The following SH3GL1 variants were observed in gnomAD, a reference collection of about 807,000 sequenced individuals.
SH3GL1 encodes the protein SH3 domain containing GRB2 like 1, endophilin A2.
A neutral mutation model predicts 48.8 loss-of-function variants in SH3GL1; 21 were observed. The observed-to-expected ratio is 0.43, with a 90% CI of 0.30 to 0.62. The LOEUF (loss-of-function observed/expected upper bound fraction) is 0.62. Ranked by LOEUF, SH3GL1 falls within the 20% of genes least tolerant of loss-of-function variation. The pLI, the probability that SH3GL1 is intolerant of heterozygous loss-of-function variation, is 0.11. For missense variants in SH3GL1, 454 were observed against 503.0 expected (o/e 0.90, Z 0.93); for synonymous variants, 282 against 217.5 (o/e 1.30, Z -2.61).
intron 1 of SH3GL1, among the ~76,000 whole-genome samples, chr19:4,387,634 G>A (rs926885004): frequency 1.3e-5 from 2 of 152,044 alleles, no homozygotes; most frequent in African/African-American, 4.8e-5. Context: ...GCTCAGGGGT[G>A]GGGTATCCAG....
chr19:4,363,226 C>G (rs1002399074), intron 7 of SH3GL1, 144 bp downstream of exon 7: 30 of 695,940 alleles, frequency 4.3e-5, no homozygotes, highest in Admixed American at 2.9e-4. Context: ...CGCGGCCCCC[C>G]AGGCCTTTCC....
intron 1 of SH3GL1, among the ~76,000 whole-genome samples, chr19:4,368,859 C>T (rs1012341310): frequency 6.6e-6 from 1 of 152,188 alleles, no homozygotes; most frequent in Non-Finnish European, 1.5e-5. Context: ...ATCATGAGGT[C>T]AGGAGATCGA....
chr19:4,397,109 CAA>C (rs1973439563), intron 1 of SH3GL1, among the ~76,000 whole-genome samples: 1 of 151,846 alleles, frequency 6.6e-6, no homozygotes, highest in Non-Finnish European at 1.5e-5. Context: ...AGACTAAAAA[CAA>C]AAAAAGAGAC....
At chr19:4,388,325 C>T (rs998188921) in intron 1 of SH3GL1, among the ~76,000 whole-genome samples, 26 of 152,222 alleles carry the variant, frequency 1.7e-4, no homozygotes, top group Non-Finnish European at 3.5e-4. Context: ...AGGGCATCAC[C>T]GCTGGCCAGC....
chr19:4,386,254 C>T (rs999388867), intron 1 of SH3GL1, among the ~76,000 whole-genome samples: 4 of 152,144 alleles, frequency 2.6e-5, no homozygotes, highest in African/African-American at 9.7e-5. Flanking sequence ...CCCACAGAGG[C>T]GGGTGGCAAG....
intron 1 of SH3GL1, among the ~76,000 whole-genome samples, chr19:4,390,786 G>T (rs1018897383): frequency 7.8e-6 from 1 of 128,696 alleles, no homozygotes; most frequent in Non-Finnish European, 1.6e-5. Flanking sequence ...CAACCCTCCC[G>T]GCACTTAAAG....
Position 4,360,688 on chromosome 19 carries a change from G to T in SH3GL1, c.*912C>A, listed in dbSNP as rs369305384. The T allele has an allele frequency of 1.8e-4, 41 of 233,408 alleles. No homozygotes were observed. The South Asian group carries it at 5.9e-3, about 34-fold the overall frequency. 14.5% of individuals were successfully genotyped at this position (233,408 alleles called of 1,614,324 possible). ...GGGGCCACTTCCCACAGGGTGAAGT[G>T]GCAGCGGCTCAGCAAGGGGAGCCTG... On this transcript the variant is annotated 3_prime_UTR_variant, in exon 10 of 10. Transcript: ENST00000269886.
At chr19:4,375,813 CCT>C (rs1467051202) in intron 1 of SH3GL1, among the ~76,000 whole-genome samples, 8 of 152,210 alleles carry the variant, frequency 5.3e-5, no homozygotes, top group Admixed American at 2.6e-4. Flanking sequence ...CGATAAATCC[CCT>C]GAGGCTCCGC....
At chr19:4,379,463 G>C (rs1043899027) in intron 1 of SH3GL1, among the ~76,000 whole-genome samples, 3 of 151,680 alleles carry the variant, frequency 2.0e-5, no homozygotes, top group African/African-American at 7.3e-5. Flanking sequence ...AGGACCAAGA[G>C]AGAAAATGAC....
chr19:4,373,306 A>C (rs1389567248), intron 1 of SH3GL1, among the ~76,000 whole-genome samples: 4 of 152,278 alleles, frequency 2.6e-5, no homozygotes, highest in African/African-American at 9.6e-5. Context: ...TGATGCACGG[A>C]GGGAAGGGTC....
intron 1 of SH3GL1, among the ~76,000 whole-genome samples, chr19:4,368,502 C>T (rs924045196): frequency 8.5e-5 from 13 of 152,262 alleles, no homozygotes; most frequent in Non-Finnish European, 1.3e-4. Flanking sequence ...CCGGAGTACA[C>T]GGCTGGTCTT....
In SH3GL1 at chr19:4,399,319, C is replaced by CAAAAAAAAA. The variant is rs58263818; in HGVS notation, c.45+996_45+1004dup. Among the ~76,000 whole-genome samples the CAAAAAAAAA allele has an allele frequency of 2.0e-4, 10 of 49,618 alleles. 1 individual carries two copies. Among genetic ancestry groups the CAAAAAAAAA allele is most frequent in the Non-Finnish European group, 2.8e-4 (8 of 28,964 alleles). The allele number at this position is 49,618 out of a possible 152,430, so 32.6% of individuals were successfully genotyped here. ...GGGGCGACAGAGCATGACTCCCTCT[C>CAAAAAAAAA]AAAAAAAAAAAAAAAAAAAAAAATC... On this transcript the variant is annotated intron_variant, in intron 1 of 9. Coordinates refer to ENST00000269886, the MANE Select transcript of SH3GL1 (RefSeq NM_003025.4).
In SH3GL1 at chr19:4,376,749, C is replaced by G. The variant is rs1479261404; in HGVS notation, c.46-9755G>C. Among the ~76,000 whole-genome samples the G allele has an allele frequency of 6.6e-6, 1 of 152,162 alleles. No homozygotes were observed. Among genetic ancestry groups the G allele is most frequent in the East Asian group, 1.9e-4 (1 of 5,184 alleles). Reference sequence around the variant, plus strand: ...CCAGGGCTCTGTCCATCCAAATGTCCCCATGGCTGCAAGGCTGCCCCACCC... The same window carrying G: ...CCAGGGCTCTGTCCATCCAAATGTCGCCATGGCTGCAAGGCTGCCCCACCC... On this transcript the variant is annotated intron_variant, in intron 1 of 9. Transcript: ENST00000269886. The surrounding 1 kb of genome is among the most constrained non-coding windows in gnomAD (Gnocchi z 4.3).
Position 4,363,481 on chromosome 19 carries a change from G to A in SH3GL1, c.625-8C>T. The A allele has an allele frequency of 2.5e-6, 4 of 1,609,220 alleles. No homozygotes were observed. The highest frequency in any genetic ancestry group is 3.4e-6 in the Non-Finnish European group (4 of 1,177,430). On this transcript the variant is annotated splice_region_variant and splice_polypyrimidine_tract_variant and intron_variant, in intron 6 of 9. Transcript: ENST00000269886. ...CTGACTCACCTGCTCGATCTGTGGGGACAGTAGGGCTCAGGGGCTCCTGCC... is the reference window on the plus strand; with the variant it reads ...CTGACTCACCTGCTCGATCTGTGGGAACAGTAGGGCTCAGGGGCTCCTGCC...
chr19:4,388,833 T>C (rs1973283158), intron 1 of SH3GL1, among the ~76,000 whole-genome samples: 1 of 152,164 alleles, frequency 6.6e-6, no homozygotes, highest in East Asian at 1.9e-4. Context: ...TGTGACACAG[T>C]CAGGCCCTCG....
chr19:4,380,623 C>G (rs1973102042), intron 1 of SH3GL1, among the ~76,000 whole-genome samples: 1 of 152,176 alleles, frequency 6.6e-6, no homozygotes, highest in African/African-American at 2.4e-5. Flanking sequence ...GTGCGTCAAA[C>G]TCATGAATTG....
rs950173978 is a variant in SH3GL1 at position 4,376,693 on chromosome 19, C to T, written c.46-9699G>A. ...CTGTTCCTTCTCCCTCACTGAGCCTCCCTGGATCTTCCCATGCTGGGTCTT... is the reference window on the plus strand; with the variant it reads ...CTGTTCCTTCTCCCTCACTGAGCCTTCCTGGATCTTCCCATGCTGGGTCTT... On this transcript the variant is annotated intron_variant, in intron 1 of 9. Transcript: ENST00000269886. The surrounding 1 kb of genome is among the most constrained non-coding windows in gnomAD (Gnocchi z 4.3). Among the ~76,000 whole-genome samples, 1 of 152,138 alleles carries T rather than the reference C, an allele frequency of 6.6e-6. No homozygotes were observed. Among genetic ancestry groups the T allele is most frequent in the Non-Finnish European group, 1.5e-5 (1 of 68,016 alleles).
chr19:4,379,710 C>A (rs1262450988), intron 1 of SH3GL1, among the ~76,000 whole-genome samples: 2 of 152,144 alleles, frequency 1.3e-5, no homozygotes, highest in Non-Finnish European at 2.9e-5. Context: ...GCTCTTCCTG[C>A]CTTCGAGAAC....
chr19:4,370,884 C>T (rs767121933), intron 1 of SH3GL1, among the ~76,000 whole-genome samples: 2 of 152,370 alleles, frequency 1.3e-5, no homozygotes, highest in East Asian at 1.9e-4. Context: ...GCCTGCCGGA[C>T]ACTTCCCCAG....
Sources: gnomAD v4.1 joint callset for allele counts (sites outside exome capture counted in the v4.1 genomes callset) on GRCh38, gnomAD v4.1.1 for gene constraint, Gnocchi (gnomAD v3.1) non-coding constraint, MANE v1.5 for transcripts, NCBI Gene and HGNC (gene_info 2026-07-23, HGNC 2026-07-21) for gene names.